The following NBAS variants were observed in gnomAD, a reference collection of about 807,000 sequenced individuals.
NBAS encodes NAG/BC035112 fusion.
NBAS carries 219 observed loss-of-function variants against 302.5 expected under a neutral mutation model. The ratio of observed to expected loss-of-function variants is 0.72; its 90% CI spans 0.65 to 0.81. The LOEUF (loss-of-function observed/expected upper bound fraction) is 0.81, where lower values mean the gene tolerates loss of function less well. Ranked by LOEUF, NBAS falls within the 30% of genes least tolerant of loss-of-function variation. The pLI, the probability that NBAS is intolerant of heterozygous loss-of-function variation, is 0.00. For missense variants in NBAS, 2,932 were observed against 2,841.6 expected (o/e 1.03, Z -0.72); for synonymous variants, 1,118 against 1,021.6 (o/e 1.09, Z -1.80).
Position 15,353,606 on chromosome 2 carries a change from G to A in NBAS, c.4036C>T (p.Pro1346Ser), listed in dbSNP as rs555684707. ...ELMAFALTHC[P>S]PSSIELLLAA... ...AAAAGAAGTTCAATGCTGCTAGGAG[G>A]GCAATGTGTCAAAGCAAAAGCCATG... The change falls in exon 34 of 52, where the codon CCT (proline) becomes TCT (serine). Residue 1346 changes from proline (P) to serine (S), a missense_variant. Physicochemically the swap from Pro to Ser is moderately conservative, Grantham distance 74. Coordinates refer to ENST00000281513, the MANE Select transcript of NBAS (RefSeq NM_015909.4). The A allele has an allele frequency of 5.0e-6, 8 of 1,614,064 alleles. No individual in the cohort carries two copies. The South Asian group carries it at 6.6e-5, about 13-fold the overall frequency.
chr2:15,493,510 T>C (rs1258580804), intron 11 of NBAS, among the ~76,000 whole-genome samples: 2 of 151,818 alleles, frequency 1.3e-5, no homozygotes, highest in African/African-American at 2.4e-5. Context: ...TCTACAAAAA[T>C]ACAAAAATTA....
At chr2:15,125,312 T>G in the NBAS span, among the ~76,000 whole-genome samples, 3 of 152,166 alleles carry the variant, frequency 2.0e-5, no homozygotes, top group African/African-American at 4.8e-5. Flanking sequence ...TCAAGAAGCT[T>G]ACAATCATGG....
downstream of NBAS, among the ~76,000 whole-genome samples, chr2:15,164,910 T>C (rs969705189): frequency 1.3e-5 from 2 of 152,192 alleles, no homozygotes; most frequent in African/African-American, 2.4e-5. Context: ...GTCAAAGCCA[T>C]GGAGCTTCCA....
chr2:14,782,952 C>A, the NBAS span, among the ~76,000 whole-genome samples: 1 of 151,792 alleles, frequency 6.6e-6, no homozygotes, highest in Admixed American at 6.6e-5. Flanking sequence ...ACTGAGGCCT[C>A]CTTGAGGGTG....
chr2:15,138,967 A>G, the NBAS span, among the ~76,000 whole-genome samples: 159 of 152,294 alleles, frequency 1.0e-3, no homozygotes, highest in African/African-American at 3.7e-3. Flanking sequence ...TGCCTTTGGG[A>G]TGTCAAACAC....
At chr2:15,402,861 T>A (rs545093583) in intron 25 of NBAS, among the ~76,000 whole-genome samples, 1 of 152,166 alleles carries the variant, frequency 6.6e-6, no homozygotes, top group Non-Finnish European at 1.5e-5. Flanking sequence ...ACTTTCTGTA[T>A]AGAACAAAGC....
the NBAS span, among the ~76,000 whole-genome samples, chr2:14,859,309 T>A: frequency 1.3e-5 from 2 of 151,990 alleles, no homozygotes; most frequent in South Asian, 4.1e-4. Context: ...ACTGATGACA[T>A]TCTTCACTGA....
chr2:15,258,933 A>G (rs1310438575), intron 44 of NBAS, among the ~76,000 whole-genome samples: 1 of 152,130 alleles, frequency 6.6e-6, no homozygotes, highest in African/African-American at 2.4e-5. Context: ...ATGGGCATCA[A>G]GGACCTACCG....
the NBAS span, among the ~76,000 whole-genome samples, chr2:15,130,246 G>A: frequency 1.3e-5 from 2 of 152,156 alleles, no homozygotes; most frequent in African/African-American, 4.8e-5. Context: ...TTCATGGCTG[G>A]ATAATATTCC....
chr2:15,442,147 C>T (rs1367618012), intron 21 of NBAS, among the ~76,000 whole-genome samples: 1,556 of 126,816 alleles, frequency 0.012, 39 homozygotes, highest in African/African-American at 0.044. Context: ...CAGCTCTGCA[C>T]CAAGCGGACC....
chr2:15,061,412 T>A, the NBAS span, among the ~76,000 whole-genome samples: 1 of 152,258 alleles, frequency 6.6e-6, no homozygotes, highest in East Asian at 1.9e-4. Context: ...TATGTAAATG[T>A]CCTAATCTAA....
chr2:14,894,630 C>T, the NBAS span, among the ~76,000 whole-genome samples: 1 of 151,758 alleles, frequency 6.6e-6, no homozygotes, highest in Non-Finnish European at 1.5e-5. Flanking sequence ...ATTGATTTAA[C>T]CAAAAACTGG....
the NBAS span, among the ~76,000 whole-genome samples, chr2:14,990,258 CAA>C: frequency 0.088 from 5,270 of 59,856 alleles, 337 homozygotes; most frequent in African/African-American, 0.21. Flanking sequence ...ACTAAAACTC[CAA>C]AAAAAAAAAA....
the NBAS span, among the ~76,000 whole-genome samples, chr2:15,018,955 C>A: frequency 1.3e-5 from 2 of 152,150 alleles, no homozygotes; most frequent in Admixed American, 1.3e-4. Flanking sequence ...GAAACTGCAG[C>A]CTTTGAGTGC....
In NBAS at chr2:15,292,635, A is replaced by C. The variant is rs767096352; in HGVS notation, c.4929T>G (p.Thr1643=). 14 of 1,614,042 alleles carry C rather than the reference A, an allele frequency of 8.7e-6. No homozygotes were observed. Among genetic ancestry groups the C allele is most frequent in the Non-Finnish European group, 8.5e-6 (10 of 1,180,044 alleles). Residue 1643 remains threonine (T), a synonymous_variant, in exon 41 of 52, where the codon ACT becomes ACG. Coordinates refer to ENST00000281513, the MANE Select transcript of NBAS (RefSeq NM_015909.4). The part of the protein sequence containing the change: ...HCYNERLLDF[T]QAQILQGLRK... The stretch of plus-strand genomic sequence containing the variant: ...GAAGGCCCTGAAGGATCTGCGCCTG[A>C]GTGAAATCCAGGAGACGTTCATTGT...
chr2:15,488,169 G>T (rs1680713117), intron 12 of NBAS, among the ~76,000 whole-genome samples: 1 of 152,098 alleles, frequency 6.6e-6, no homozygotes, highest in Admixed American at 6.6e-5. Flanking sequence ...CAGAGTGAGG[G>T]GGTGAGAGAA....
chr2:15,034,074 GGAA>G, the NBAS span, among the ~76,000 whole-genome samples: 88,954 of 114,134 alleles, frequency 0.78, 35,172 homozygotes, highest in East Asian at 0.99. Context: ...GGGAAGGAGA[GGAA>G]GAAGAAGAAG....
chr2:15,029,414 CTT>C, the NBAS span, among the ~76,000 whole-genome samples: 1 of 152,088 alleles, frequency 6.6e-6, no homozygotes, highest in Non-Finnish European at 1.5e-5. Flanking sequence ...GTTACACTGA[CTT>C]TATAGATGAA....
At chr2:15,339,779 T>C (rs1558548932) in intron 35 of NBAS, among the ~76,000 whole-genome samples, 1 of 151,822 alleles carries the variant, frequency 6.6e-6, no homozygotes, top group Non-Finnish European at 1.5e-5. Context: ...CTCCATGAAG[T>C]GACATTTGAG....
Sources: gnomAD v4.1 joint callset for allele counts (sites outside exome capture counted in the v4.1 genomes callset) on GRCh38, gnomAD v4.1.1 for gene constraint, MANE v1.5 for transcripts, NCBI Gene and HGNC (gene_info 2026-07-23, HGNC 2026-07-21) for gene names.